Variants in PCDHA2 observed in about 807,000 individuals in gnomAD.
The protein encoded by PCDHA2 is protocadherin alpha-2.
PCDHA2 carries 58 observed loss-of-function variants against 66.0 expected under a neutral mutation model. The observed-to-expected ratio is 0.88, with a 90% confidence interval of 0.71 to 1.09. The LOEUF (loss-of-function observed/expected upper bound fraction) is 1.09, where lower values mean the gene tolerates loss of function less well. Among genes scored for constraint, PCDHA2 ranks in the 50% least tolerant of loss-of-function variants. PCDHA2 has a pLI of 0.00. For synonymous variants in PCDHA2, 634 were observed against 554.0 expected (o/e 1.14, Z -2.03); for missense variants, 1,267 against 1,242.3 (o/e 1.02, Z -0.30).
chr5:140,956,009 C>G (rs1479377959), intron 1 of PCDHA2, among the ~76,000 whole-genome samples: 1 of 152,192 alleles, frequency 6.6e-6, no homozygotes, highest in Non-Finnish European at 1.5e-5. Context: ...TATCCTGAGA[C>G]TTTGCTGAAG....
chr5:140,814,732 A>T (rs1021205164), intron 1 of PCDHA2: 3 of 152,210 alleles, frequency 2.0e-5, no homozygotes, highest in African/African-American at 7.2e-5. Context: ...TTTCAGCTCC[A>T]TTATAATCTT....
rs2054438060 is a variant in PCDHA2 at position 140,873,702 on chromosome 5, C to T, written c.2388+76350C>T. 9.2e-5 allele frequency among the ~76,000 whole-genome samples: 14 copies of T among 152,214 alleles called. No individual in the cohort carries two copies. In the South Asian group the frequency reaches 2.9e-3, roughly 32 times the overall value. ...TTGAGATAGAGTCTTGCTCTATCAC[C>T]CAGGCTGGTGTGCAGTGGCGCAATC... On this transcript the variant is annotated intron_variant, in intron 1 of 3. Transcript: ENST00000526136.
chr5:140,883,483 C>A, intron 1 of PCDHA2: 1 of 1,614,196 alleles, frequency 6.2e-7, no homozygotes, highest in African/African-American at 1.3e-5. Flanking sequence ...AGAACTACTA[C>A]TCATTAGTGC....
At chr5:140,835,501 G>A in intron 1 of PCDHA2, 2 of 1,613,940 alleles carry the variant, frequency 1.2e-6, no homozygotes, top group Non-Finnish European at 1.7e-6. Flanking sequence ...ACATTGATTA[G>A]CGTGTTTGAC....
At chr5:140,903,714 A>G (rs1159490924) in intron 1 of PCDHA2, among the ~76,000 whole-genome samples, 3 of 152,324 alleles carry the variant, frequency 2.0e-5, no homozygotes, top group African/African-American at 2.4e-5. Context: ...AAAATATACA[A>G]TTCTCCCTAT....
At chr5:140,852,947 T>C in intron 1 of PCDHA2, 2 of 520,496 alleles carry the variant, frequency 3.8e-6, no homozygotes, top group Non-Finnish European at 2.5e-6. Flanking sequence ...GGTGCCATCT[T>C]GGCTCACTCC....
chr5:140,860,428 T>A (rs1198179293), intron 1 of PCDHA2: 8 of 152,144 alleles, frequency 5.3e-5, no homozygotes, highest in African/African-American at 1.4e-4. Context: ...ATCCTGCAAA[T>A]ATGATCTTTT....
At chr5:140,827,393 T>A (rs1554130775) in intron 1 of PCDHA2, among the ~76,000 whole-genome samples, 1 of 152,206 alleles carries the variant, frequency 6.6e-6, no homozygotes, top group African/African-American at 2.4e-5. Flanking sequence ...GCAGATAAAT[T>A]AAATGTGATA....
In PCDHA2 at chr5:140,929,414, A is replaced by G. The variant is rs1174756115; in HGVS notation, c.2389-49535A>G. The G allele has an allele frequency of 6.6e-6, 10 of 1,504,304 alleles. No individual in the cohort carries two copies. The East Asian group carries it at 1.1e-4, about 17-fold the overall frequency. 93.2% of individuals were successfully genotyped at this position (1,504,304 alleles called of 1,614,324 possible). A position where few individuals can be genotyped will look rare whatever the true frequency, so the allele number is the denominator to read the frequency against. On this transcript the variant is annotated intron_variant, in intron 1 of 3. Transcript: ENST00000526136. ...ATATTTCTTAGACAAGCCTTTCACA[A>G]CATTTCATCAATTGAACTAAACACT...
intron 1 of PCDHA2, among the ~76,000 whole-genome samples, chr5:140,953,778 A>T (rs782648195): frequency 2.0e-5 from 3 of 151,986 alleles, no homozygotes; most frequent in Non-Finnish European, 2.9e-5. Context: ...ATATTTATTT[A>T]TTTTTTTCTT....
intron 1 of PCDHA2, among the ~76,000 whole-genome samples, chr5:140,903,535 G>A (rs1311718035): frequency 3.3e-5 from 5 of 152,178 alleles, no homozygotes; most frequent in African/African-American, 1.2e-4. Flanking sequence ...CTTTAAACTA[G>A]AGCAAGAAAC....
In PCDHA2 at chr5:140,929,359, C is replaced by T; in HGVS notation, c.2389-49590C>T. 3.3e-6 allele frequency: 5 copies of T among 1,522,308 alleles called. No homozygotes were observed. In the South Asian group the frequency reaches 6.6e-5, roughly 20 times the overall value. 94.3% of individuals were successfully genotyped at this position (1,522,308 alleles called of 1,614,324 possible). ...ATTTTATGGAATTTGATTCCTTTGG[C>T]CCGGAGATGGCTGCTAGCTGTGTTT... On this transcript the variant is annotated intron_variant, in intron 1 of 3. Transcript: ENST00000526136.
At chr5:140,990,862 AT>A (rs2097420167) in intron 3 of PCDHA2, among the ~76,000 whole-genome samples, 1 of 152,198 alleles carries the variant, frequency 6.6e-6, no homozygotes, top group Non-Finnish European at 1.5e-5. Flanking sequence ...AGGACATTGT[AT>A]TTTAAGTGTA....
intron 1 of PCDHA2, among the ~76,000 whole-genome samples, chr5:140,797,631 TA>T (rs1218332541): frequency 6.6e-6 from 1 of 152,228 alleles, no homozygotes. Flanking sequence ...GCAAAATTTG[TA>T]AATTAAACAT....
chr5:140,889,417 A>G (rs2062219100), intron 1 of PCDHA2, among the ~76,000 whole-genome samples: 1 of 152,040 alleles, frequency 6.6e-6, no homozygotes. Context: ...TCAGTTACGT[A>G]GATAATATTT....
chr5:140,995,511 A>G (rs561169284), intron 3 of PCDHA2, among the ~76,000 whole-genome samples: 1 of 152,342 alleles, frequency 6.6e-6, no homozygotes, highest in Admixed American at 6.5e-5. Flanking sequence ...TGGGTAACTG[A>G]AGCCTCAGAA....
intron 1 of PCDHA2, chr5:140,860,230 A>G (rs1282358261): frequency 6.6e-6 from 1 of 151,076 alleles, no homozygotes; most frequent in Non-Finnish European, 1.5e-5. Context: ...TATATAAGCC[A>G]GGCATGGTGG....
intron 3 of PCDHA2, among the ~76,000 whole-genome samples, chr5:140,998,708 GC>G (rs1350967952): frequency 1.3e-5 from 2 of 152,024 alleles, no homozygotes; most frequent in Admixed American, 6.6e-5. Context: ...GGGATTACAA[GC>G]TTGCACCACC....
At chr5:140,926,854 G>C (rs1554203742) in intron 1 of PCDHA2, 3 of 1,520,530 alleles carry the variant, frequency 2.0e-6, no homozygotes, top group South Asian at 2.6e-5. Flanking sequence ...GTCACCGTTG[G>C]TGTAGCGTGT....
Sources: allele counts gnomAD v4.1 joint callset (sites outside exome capture counted in the v4.1 genomes callset), GRCh38; gene constraint gnomAD v4.1.1; transcripts MANE v1.5; gene names NCBI Gene and HGNC (gene_info 2026-07-23, HGNC 2026-07-21).